ANXA8: variants seen among roughly 807,000 people sequenced by gnomAD.
The protein encoded by ANXA8 is VAC-beta.
In ANXA8, 9 loss-of-function variants were observed where a neutral mutation model predicts 26.8. The ratio of observed to expected loss-of-function variants is 0.34; its 90% confidence interval spans 0.20 to 0.59. ANXA8 has a LOEUF of 0.59. ANXA8 is among the 20% of genes least tolerant of loss of function. The pLI, the probability that ANXA8 is intolerant of heterozygous loss-of-function variation, is 0.84. For synonymous variants in ANXA8, 39 were observed against 94.8 expected (o/e 0.41, Z 3.42); for missense variants, 83 against 238.5 (o/e 0.35, Z 4.29).
the ANXA8 span, among the ~76,000 whole-genome samples, chr10:47,694,207 T>A: frequency 7.3e-5 from 11 of 151,646 alleles, no homozygotes; most frequent in South Asian, 4.2e-4. Context: ...GAACTTTTTT[T>A]AAAAAATCAG....
the ANXA8 span, among the ~76,000 whole-genome samples, chr10:47,498,631 C>T: frequency 3.8e-4 from 53 of 140,974 alleles, no homozygotes; most frequent in African/African-American, 1.2e-3. Flanking sequence ...ACCTGAGATA[C>T]CAAAGAAAGA....
chr10:47,580,659 C>T, the ANXA8 span, among the ~76,000 whole-genome samples: 1 of 150,340 alleles, frequency 6.7e-6, no homozygotes, highest in African/African-American at 2.5e-5. Flanking sequence ...AGGAGGATGG[C>T]TTCAGCTTGG....
chr10:47,597,318 G>A, the ANXA8 span, among the ~76,000 whole-genome samples: 2 of 149,216 alleles, frequency 1.3e-5, no homozygotes, highest in African/African-American at 5.1e-5. Context: ...ACAGGCAAAA[G>A]TTGGAAGAAT....
At chr10:47,533,223 A>ACATACACACACCCGCAGACACC in the ANXA8 span, among the ~76,000 whole-genome samples, 3 of 139,084 alleles carry the variant, frequency 2.2e-5, no homozygotes, top group Non-Finnish European at 3.1e-5. Context: ...ACACACACAC[A>ACATACACACACCCGCAGACACC]CCCCCGCAGA....
chr10:47,944,408 AG>A, the ANXA8 span, among the ~76,000 whole-genome samples: 1 of 149,318 alleles, frequency 6.7e-6, no homozygotes, highest in Non-Finnish European at 1.5e-5. Flanking sequence ...TCCACACCCA[AG>A]GGGGGCCCTG....
At chr10:47,493,722 C>T in the ANXA8 span, among the ~76,000 whole-genome samples, 3 of 150,882 alleles carry the variant, frequency 2.0e-5, no homozygotes, top group Non-Finnish European at 4.4e-5. Flanking sequence ...CCTCTGGGGA[C>T]AACTGCCCTT....
chr10:47,513,541 G>A, the ANXA8 span, among the ~76,000 whole-genome samples: 1 of 141,678 alleles, frequency 7.1e-6, no homozygotes, highest in South Asian at 2.2e-4. Context: ...AAACAGTCTT[G>A]AAATTTATAT....
At chr10:47,622,847 C>T in the ANXA8 span, among the ~76,000 whole-genome samples, 36 of 112,656 alleles carry the variant, frequency 3.2e-4, 11 homozygotes, top group African/African-American at 1.2e-3. Context: ...ATTTCTTTCT[C>T]GCAAGGTCAA....
At chr10:47,686,088 A>T in the ANXA8 span, among the ~76,000 whole-genome samples, 1 of 151,602 alleles carries the variant, frequency 6.6e-6, no homozygotes, top group Non-Finnish European at 1.5e-5. Context: ...CAGTTTCAAA[A>T]TTTTGTGATT....
chr10:47,618,731 T>G, the ANXA8 span, among the ~76,000 whole-genome samples: 2 of 112,532 alleles, frequency 1.8e-5, 1 homozygote, highest in African/African-American at 6.9e-5. Context: ...AGGCCTAGTC[T>G]AATATTACTC....
chr10:47,771,634 A>G, the ANXA8 span, among the ~76,000 whole-genome samples: 1 of 151,006 alleles, frequency 6.6e-6, no homozygotes, highest in Non-Finnish European at 1.5e-5. Context: ...CTGGAGTGCA[A>G]TGGCACGATC....
chr10:47,970,654 C>A, the ANXA8 span, among the ~76,000 whole-genome samples: 1 of 151,356 alleles, frequency 6.6e-6, no homozygotes, highest in Non-Finnish European at 1.5e-5. Context: ...ATGAAGTGTT[C>A]ACATCTTATT....
chr10:47,469,299 T>C (rs1453028002), intron 11 of ANXA8, among the ~76,000 whole-genome samples: 2 of 151,458 alleles, frequency 1.3e-5, no homozygotes, highest in Non-Finnish European at 2.9e-5. Context: ...AGGCTGAGAG[T>C]GAGGCATCAG....
the ANXA8 span, among the ~76,000 whole-genome samples, chr10:47,576,739 T>G: frequency 1.3e-5 from 2 of 150,606 alleles, no homozygotes; most frequent in South Asian, 4.2e-4. Flanking sequence ...AGGCCAGTCT[T>G]GAACTCCCAG....
the ANXA8 span, among the ~76,000 whole-genome samples, chr10:47,755,555 C>T: frequency 1.2e-5 from 1 of 82,998 alleles, no homozygotes; most frequent in Non-Finnish European, 2.2e-5. Flanking sequence ...GTGCCCGGCC[C>T]TTTTTTTTTT....
chr10:47,691,315 C>T, the ANXA8 span: 2 of 962,420 alleles, frequency 2.1e-6, no homozygotes, highest in Non-Finnish European at 3.0e-6. Flanking sequence ...TCTTTGAAGA[C>T]TCTTTCTTTA....
chr10:47,946,778 C>T, the ANXA8 span, among the ~76,000 whole-genome samples: 6 of 151,536 alleles, frequency 4.0e-5, no homozygotes, highest in African/African-American at 7.3e-5. Context: ...CTGCAACCTC[C>T]GCCTCCCGGG....
chr10:47,652,920 CT>C, the ANXA8 span, among the ~76,000 whole-genome samples: 3 of 151,254 alleles, frequency 2.0e-5, no homozygotes, highest in African/African-American at 7.4e-5. Flanking sequence ...AGCCAAAAGT[CT>C]GAGTAGTGAT....
the ANXA8 span, among the ~76,000 whole-genome samples, chr10:47,495,622 T>C: frequency 2.0e-5 from 3 of 148,654 alleles, no homozygotes; most frequent in Non-Finnish European, 4.4e-5. Context: ...TTTCTCCTTC[T>C]GGAAACTATA....
Sources: allele counts gnomAD v4.1 joint callset (sites outside exome capture counted in the v4.1 genomes callset), GRCh38; gene constraint gnomAD v4.1.1; transcripts MANE v1.5; gene names NCBI Gene and HGNC (gene_info 2026-07-23, HGNC 2026-07-21).